Variants in CCBE1 observed in about 807,000 individuals in gnomAD.
CCBE1 encodes collagen and calcium binding EGF domains 1.
CCBE1 carries 37 observed loss-of-function variants against 50.0 expected under a neutral mutation model. The observed-to-expected ratio is 0.74, with a 90% CI of 0.57 to 0.97. The LOEUF (loss-of-function observed/expected upper bound fraction) is 0.97, where lower values mean the gene tolerates loss of function less well. Ranked by LOEUF, CCBE1 falls within the 50% of genes least tolerant of loss-of-function variation. The pLI is 0.00. For missense variants in CCBE1, 538 were observed against 523.8 expected (o/e 1.03, Z -0.26); for synonymous variants, 234 against 203.7 (o/e 1.15, Z -1.27).
chr18:59,589,930 A>G (rs1485309963), intron 2 of CCBE1, among the ~76,000 whole-genome samples: 2 of 152,220 alleles, frequency 1.3e-5, no homozygotes, highest in African/African-American at 2.4e-5. Context: ...AAAGAGAACC[A>G]TAAGATTATT....
At chr18:59,465,732 T>G (rs1002822722) in intron 5 of CCBE1, 1 of 152,252 alleles carries the variant, frequency 6.6e-6, no homozygotes, top group African/African-American at 2.4e-5. Context: ...GACCATATTT[T>G]GAGTAGCATG....
chr18:59,651,488 C>A (rs1041712933), intron 2 of CCBE1, among the ~76,000 whole-genome samples: 2 of 152,220 alleles, frequency 1.3e-5, no homozygotes, highest in Non-Finnish European at 2.9e-5. Context: ...ATTAGGCTGG[C>A]AGTCATTCAC....
intron 5 of CCBE1, among the ~76,000 whole-genome samples, chr18:59,461,241 G>T (rs1911457789): frequency 6.6e-6 from 1 of 151,070 alleles, no homozygotes; most frequent in African/African-American, 2.4e-5. Flanking sequence ...TTAAAGAAAT[G>T]ATCCCCTTCC....
chr18:59,677,009 C>T (rs1454767920), intron 2 of CCBE1, among the ~76,000 whole-genome samples: 4 of 152,200 alleles, frequency 2.6e-5, no homozygotes, highest in African/African-American at 9.7e-5. Context: ...CCGGGCCTCA[C>T]AGCCCAGGGT....
At chr18:59,656,221 G>A (rs1297079426) in intron 2 of CCBE1, among the ~76,000 whole-genome samples, 1 of 152,192 alleles carries the variant, frequency 6.6e-6, no homozygotes. Context: ...AAAGTGTTAA[G>A]TTAAATAGGA....
intron 2 of CCBE1, among the ~76,000 whole-genome samples, chr18:59,556,338 G>A (rs1336927789): frequency 6.6e-6 from 1 of 152,138 alleles, no homozygotes; most frequent in East Asian, 1.9e-4. Flanking sequence ...TGATTAAAGT[G>A]GAGGCCATGA....
intron 4 of CCBE1, 140 bp from the exon 5 acceptor site, chr18:59,467,031 G>T: frequency 1.4e-6 from 1 of 736,144 alleles, no homozygotes; most frequent in Non-Finnish European, 2.3e-6. Context: ...CTGGAATAAA[G>T]TAGGGAGCTA....
intron 5 of CCBE1, among the ~76,000 whole-genome samples, chr18:59,458,865 T>C (rs1911331315): frequency 6.6e-6 from 1 of 152,240 alleles, no homozygotes; most frequent in Non-Finnish European, 1.5e-5. Context: ...AGATTAACAT[T>C]ATCCAGAAGA....
rs779305854 is a variant in CCBE1, at chr18:59,435,896, T to C, written c.*12A>G. On this transcript the variant is annotated 3_prime_UTR_variant, in exon 11 of 11. Transcript: ENST00000439986. The stretch of plus-strand genomic sequence containing the variant: ...TCTTTCTCTTCCTTTGGCGTGACGG[T>C]GTTGGGATGTGCTATGGGTAGAAGT... The C allele has an allele frequency of 1.2e-6, 2 of 1,604,914 alleles. No homozygotes were observed. The highest frequency in any genetic ancestry group is 2.2e-5 in the South Asian group (2 of 90,834).
At chr18:59,489,141 G>A (rs933070905) in intron 2 of CCBE1, among the ~76,000 whole-genome samples, 3 of 152,218 alleles carry the variant, frequency 2.0e-5, no homozygotes, top group Non-Finnish European at 2.9e-5. Flanking sequence ...TGATCAGTGC[G>A]ATATCCATCT....
chr18:59,581,965 C>T (rs1410059124), intron 2 of CCBE1, among the ~76,000 whole-genome samples: 1 of 152,154 alleles, frequency 6.6e-6, no homozygotes, highest in African/African-American at 2.4e-5. Context: ...CCTAACCCTC[C>T]TTAGGAATCA....
intron 2 of CCBE1, among the ~76,000 whole-genome samples, chr18:59,617,505 C>A (rs1012083287): frequency 6.6e-6 from 1 of 152,196 alleles, no homozygotes; most frequent in Non-Finnish European, 1.5e-5. Context: ...AGAGAAATTG[C>A]AGTTTTCCAC....
At chr18:59,490,821 C>T (rs1232588528) in intron 2 of CCBE1, among the ~76,000 whole-genome samples, 2 of 152,150 alleles carry the variant, frequency 1.3e-5, no homozygotes, top group Non-Finnish European at 2.9e-5. Context: ...TACTGGCTTA[C>T]TAGAGGTTTA....
chr18:59,622,391 C>T (rs1377061134), intron 2 of CCBE1, among the ~76,000 whole-genome samples: 1 of 151,906 alleles, frequency 6.6e-6, no homozygotes. Flanking sequence ...GGGATTACAG[C>T]TACTCGGGAG....
intron 2 of CCBE1, among the ~76,000 whole-genome samples, chr18:59,543,834 C>CAAAAAAAAAAAAAAAAAAAAAAAAAAAA (rs10678902): frequency 1.4e-5 from 1 of 69,026 alleles, no homozygotes; most frequent in African/African-American, 7.2e-5. Context: ...GACTCCGTCT[C>CAAAAAAAAAAAAAAAAAAAAAAAAAAAA]AAAAAAAAAA....
At chr18:59,623,177 T>C (rs1438672952) in intron 2 of CCBE1, among the ~76,000 whole-genome samples, 1 of 152,196 alleles carries the variant, frequency 6.6e-6, no homozygotes, top group Non-Finnish European at 1.5e-5. Flanking sequence ...GCTGTAAATC[T>C]AAAACTGCTC....
intron 2 of CCBE1, among the ~76,000 whole-genome samples, chr18:59,671,039 A>G (rs1291494009): frequency 6.6e-6 from 1 of 152,238 alleles, no homozygotes; most frequent in East Asian, 1.9e-4. Flanking sequence ...GTTCAAAGCT[A>G]TGCCACAACT....
chr18:59,675,265 C>T (rs1363363718), intron 2 of CCBE1, among the ~76,000 whole-genome samples: 1 of 152,170 alleles, frequency 6.6e-6, no homozygotes, highest in Non-Finnish European at 1.5e-5. Context: ...GTTTGTAGCA[C>T]AAAAACTGAT....
In CCBE1 at chr18:59,686,959, C is replaced by T. The variant is rs552940507; in HGVS notation, c.212+9670G>A. On this transcript the variant is annotated intron_variant, in intron 2 of 10. Coordinates refer to ENST00000439986, the MANE Select transcript of CCBE1 (RefSeq NM_133459.4). ...CAGTGCATTTTTGTTTGGGGGCAAC[C>T]TTGCCTCTAAAGGGCATTATCGTCT... is the stretch of plus-strand genomic sequence containing the variant. Among the ~76,000 whole-genome samples the T allele has an allele frequency of 4.0e-5, 6 of 150,050 alleles. No individual in the cohort carries two copies. In the East Asian group the frequency reaches 7.9e-4, roughly 20 times the overall value.
Sources: allele counts gnomAD v4.1 joint callset (sites outside exome capture counted in the v4.1 genomes callset), GRCh38; gene constraint gnomAD v4.1.1; transcripts MANE v1.5; gene names NCBI Gene and HGNC (gene_info 2026-07-23, HGNC 2026-07-21).